Variants in MTBP observed in about 807,000 individuals in gnomAD.
MTBP encodes the protein mdm2-binding protein.
MTBP carries 101 observed loss-of-function variants against 117.0 expected under a neutral mutation model. The ratio of observed to expected loss-of-function variants is 0.86; its 90% confidence interval spans 0.73 to 1.02. MTBP has a LOEUF of 1.02. Among genes scored for constraint, MTBP ranks in the 50% least tolerant of loss-of-function variants. MTBP has a pLI of 0.00. For synonymous variants in MTBP, 350 were observed against 351.5 expected, an observed-to-expected ratio of 1.00 and a Z score of 0.05; for missense variants, 970 against 1,030.9, an observed-to-expected ratio of 0.94 and a Z score of 0.81.
At chr8:120,479,170 A>T (rs562512777) in intron 11 of MTBP, among the ~76,000 whole-genome samples, 1 of 152,242 alleles carries the variant, frequency 6.6e-6, no homozygotes, top group Non-Finnish European at 1.5e-5. Context: ...GTTGTGTACT[A>T]TGTTCACTGT....
At position 120,451,018 on chromosome 8, in the gene MTBP, G is replaced by A. The variant is rs1368134004; in HGVS notation, c.215G>A (p.Gly72Asp). ...DSTFPACSVG[G>D]IPGSKKWFFA... Reference sequence around the variant, plus strand: ...TATTTTCAAGCCTGTTCAGTGGGAGGTATACCTGGTTCCAAGAAGTGGTTC... The same window carrying A: ...TATTTTCAAGCCTGTTCAGTGGGAGATATACCTGGTTCCAAGAAGTGGTTC... The change falls in exon 3 of 22, where the codon GGT becomes GAT. Residue 72 changes from glycine to aspartate, a missense_variant. Coordinates refer to ENST00000305949, the MANE Select transcript of MTBP (RefSeq NM_022045.5). 6.2e-7 allele frequency: 1 copy of A among 1,611,706 alleles called. No homozygotes were observed. Among genetic ancestry groups the A allele is most frequent in the Admixed American group, 1.7e-5 (1 of 59,712 alleles).
At chr8:120,457,981 A>G (rs1253929084) in intron 7 of MTBP, among the ~76,000 whole-genome samples, 1 of 151,672 alleles carries the variant, frequency 6.6e-6, no homozygotes, top group Admixed American at 6.6e-5. Flanking sequence ...AACCCCACAT[A>G]GCCAAGTGGA....
chr8:120,513,925 A>T (rs1814866237), intron 17 of MTBP, among the ~76,000 whole-genome samples: 1 of 151,900 alleles, frequency 6.6e-6, no homozygotes, highest in African/African-American at 2.4e-5. Flanking sequence ...AGCTAGAGAG[A>T]TGCCAAGACC....
At chr8:120,506,544 T>C (rs542582356) in intron 15 of MTBP, among the ~76,000 whole-genome samples, 162 bp from the exon 16 acceptor site, 68 of 152,270 alleles carry the variant, frequency 4.5e-4, no homozygotes, top group African/African-American at 1.4e-3. Flanking sequence ...TATTTTACTT[T>C]ATTGTCTGTC....
intron 17 of MTBP, among the ~76,000 whole-genome samples, chr8:120,515,008 TA>T (rs1443663608): frequency 6.6e-6 from 1 of 150,988 alleles, no homozygotes; most frequent in African/African-American, 2.4e-5. Flanking sequence ...ATAAGGTTCT[TA>T]AAACCTCCAT....
chr8:120,515,137 C>A (rs572964149), intron 17 of MTBP, among the ~76,000 whole-genome samples: 1 of 151,848 alleles, frequency 6.6e-6, no homozygotes, highest in Non-Finnish European at 1.5e-5. Flanking sequence ...AATGACAGGT[C>A]ACAGAGAAAG....
At position 120,506,771 on chromosome 8, in the gene MTBP, T is replaced by C; in HGVS notation, c.1793T>C (p.Ile598Thr). ...LGHKEGPRDS[I>T]TLLDAKELLK... ...CACAAAGAGGGTCCTCGGGACTCAATCACATTGTTGGATGCTAAAGAATTG... is the reference window on the plus strand; with the variant it reads ...CACAAAGAGGGTCCTCGGGACTCAACCACATTGTTGGATGCTAAAGAATTG... Residue 598 changes from isoleucine to threonine, a missense_variant, in exon 16 of 22, where the codon ATC (isoleucine) becomes ACC (threonine). Ile to Thr is a moderately conservative substitution (Grantham distance 89). Transcript: ENST00000305949. The C allele has an allele frequency of 6.2e-7, 1 of 1,613,580 alleles. No individual in the cohort carries two copies. Among genetic ancestry groups the C allele is most frequent in the Non-Finnish European group, 8.5e-7 (1 of 1,179,638 alleles).
intron 10 of MTBP, among the ~76,000 whole-genome samples, chr8:120,465,605 A>G (rs2130537664): frequency 6.6e-6 from 1 of 151,180 alleles, no homozygotes; most frequent in East Asian, 1.9e-4. Flanking sequence ...TGAAGGTATG[A>G]TGAAATTTAT....
chr8:120,485,405 A>G (rs955763376), intron 11 of MTBP, among the ~76,000 whole-genome samples: 2 of 152,170 alleles, frequency 1.3e-5, no homozygotes, highest in East Asian at 1.9e-4. Flanking sequence ...ATTAGTGTCT[A>G]AAAGGACTAA....
At chr8:120,493,179 T>A (rs1373957256) in intron 13 of MTBP, among the ~76,000 whole-genome samples, 1 of 152,212 alleles carries the variant, frequency 6.6e-6, no homozygotes, top group African/African-American at 2.4e-5. Flanking sequence ...TATTACTAGC[T>A]TTCTTAGGAA....
chr8:120,514,287 T>C (rs919399204), intron 17 of MTBP, among the ~76,000 whole-genome samples: 7 of 151,956 alleles, frequency 4.6e-5, no homozygotes, highest in Non-Finnish European at 7.4e-5. Context: ...CTATAGTCCT[T>C]GTACTGTATG....
In MTBP at chr8:120,465,120, C is replaced by T. The variant is rs1404766824; in HGVS notation, c.1047+1359C>T. ...TTAAGTGCACTGAGAATAAAAAATA[C>T]CCTGCTTCTATTTTAATCCAGGTAG... On this transcript the variant is annotated intron_variant, in intron 10 of 21. Transcript: ENST00000305949. Among the ~76,000 whole-genome samples, 3 of 152,078 alleles carry T rather than the reference C, an allele frequency of 2.0e-5. No individual in the cohort carries two copies. The South Asian group carries it at 6.2e-4, about 32-fold the overall frequency.
At chr8:120,492,709 C>A (rs984156385) in intron 13 of MTBP, among the ~76,000 whole-genome samples, 1 of 152,038 alleles carries the variant, frequency 6.6e-6, no homozygotes, top group Non-Finnish European at 1.5e-5. Context: ...TCACTAATAA[C>A]ACTATTGAGG....
chr8:120,505,223 A>G (rs1814665687), intron 15 of MTBP, among the ~76,000 whole-genome samples: 1 of 151,956 alleles, frequency 6.6e-6, no homozygotes. Flanking sequence ...TCTCACTTAT[A>G]TTAATGTTAG....
intron 11 of MTBP, among the ~76,000 whole-genome samples, chr8:120,487,200 G>A (rs990588071): frequency 6.6e-6 from 1 of 152,170 alleles, no homozygotes; most frequent in Non-Finnish European, 1.5e-5. Flanking sequence ...CAGAAGGCCT[G>A]TTTCTCAAGT....
chr8:120,507,289 GA>G (rs2130609000), intron 16 of MTBP, among the ~76,000 whole-genome samples: 1 of 152,170 alleles, frequency 6.6e-6, no homozygotes, highest in South Asian at 2.1e-4. Flanking sequence ...TTCACCTGAA[GA>G]ACAGGAAAAT....
chr8:120,489,057 T>TTTTTTTTTTTTTA (rs1563797875), intron 12 of MTBP, among the ~76,000 whole-genome samples: 1 of 150,802 alleles, frequency 6.6e-6, no homozygotes, highest in Non-Finnish European at 1.5e-5. Flanking sequence ...TTTTTTTTTT[T>TTTTTTTTTTTTTA]GAGACAGAGT....
At chr8:120,513,601 C>G (rs1483199573) in intron 17 of MTBP, among the ~76,000 whole-genome samples, 1 of 151,860 alleles carries the variant, frequency 6.6e-6, no homozygotes, top group Non-Finnish European at 1.5e-5. Flanking sequence ...AGCTATGACA[C>G]TATGAACAGC....
At chr8:120,463,586 A>C (rs1813624984) in intron 9 of MTBP, 106 bp from the exon 10 acceptor site, 5 of 867,132 alleles carry the variant, frequency 5.8e-6, no homozygotes, top group African/African-American at 1.7e-5. Flanking sequence ...ATTTTTTAAT[A>C]GATGAATTTA....
Sources: allele counts gnomAD v4.1 joint callset (sites outside exome capture counted in the v4.1 genomes callset), GRCh38; gene constraint gnomAD v4.1.1; transcripts MANE v1.5; gene names NCBI Gene and HGNC (gene_info 2026-07-23, HGNC 2026-07-21).